The following EEFSEC variants were observed in gnomAD, a reference collection of about 807,000 sequenced individuals.
EEFSEC encodes the protein eukaryotic elongation factor, selenocysteine-tRNA specific.
In EEFSEC, 43 loss-of-function variants were observed where a neutral mutation model predicts 42.1. The ratio of observed to expected loss-of-function variants is 1.02; its 90% CI spans 0.80 to 1.32. The LOEUF is 1.32. EEFSEC is among the 40% of genes most tolerant of loss of function. EEFSEC has a pLI of 0.00. For synonymous variants in EEFSEC, 354 were observed against 339.1 expected (o/e 1.04, Z -0.48); for missense variants, 745 against 803.6 (o/e 0.93, Z 0.88).
chr3:128,156,206 C>T (rs1296554957), intron 1 of EEFSEC, among the ~76,000 whole-genome samples: 1 of 152,240 alleles, frequency 6.6e-6, no homozygotes, highest in Non-Finnish European at 1.5e-5. Context: ...CTGGACCTTG[C>T]TCCAACTGGA....
chr3:128,278,826 G>A (rs1451947527), intron 4 of EEFSEC, among the ~76,000 whole-genome samples: 3 of 152,182 alleles, frequency 2.0e-5, no homozygotes, highest in East Asian at 1.9e-4. Flanking sequence ...TGCCCAGCCT[G>A]CATGGTGCTA....
intron 6 of EEFSEC, among the ~76,000 whole-genome samples, chr3:128,384,174 A>G (rs2067810715): frequency 1.3e-5 from 2 of 152,152 alleles, no homozygotes; most frequent in African/African-American, 2.4e-5. Flanking sequence ...GAGGGTGGAG[A>G]GACAGCCTGG....
At chr3:128,323,587 C>T (rs1413003417) in intron 4 of EEFSEC, among the ~76,000 whole-genome samples, 1 of 152,242 alleles carries the variant, frequency 6.6e-6, no homozygotes, top group African/African-American at 2.4e-5. Flanking sequence ...TGTGCTTGGC[C>T]TTGACTTCTC....
Position 128,199,672 on chromosome 3 carries a change from T to G in EEFSEC, c.316+45849T>G, listed in dbSNP as rs186468926. Among the ~76,000 whole-genome samples the G allele has an allele frequency of 2.0e-5, 3 of 152,344 alleles. No homozygotes were observed. In the East Asian group the frequency reaches 5.8e-4, roughly 29 times the overall value. On this transcript the variant is annotated intron_variant, in intron 1 of 6. Transcript: ENST00000254730. ...TTGGAAATTGTTGGGGCAGTTGCATTTTAAAAAGTATTGCCAAATTGCCCC... is the reference window on the plus strand; with the variant it reads ...TTGGAAATTGTTGGGGCAGTTGCATGTTAAAAAGTATTGCCAAATTGCCCC...
chr3:128,232,658 A>G (rs911765733), intron 1 of EEFSEC, among the ~76,000 whole-genome samples: 2 of 152,238 alleles, frequency 1.3e-5, no homozygotes, highest in Admixed American at 6.5e-5. Flanking sequence ...ATGGGCCACA[A>G]TTATTTTATT....
intron 4 of EEFSEC, among the ~76,000 whole-genome samples, chr3:128,307,278 T>G (rs915649151): frequency 6.6e-6 from 1 of 152,160 alleles, no homozygotes; most frequent in Non-Finnish European, 1.5e-5. Context: ...TGGAGAAAAA[T>G]GACACCCAGT....
chr3:128,181,979 A>G (rs937101135), intron 1 of EEFSEC, among the ~76,000 whole-genome samples: 1 of 151,976 alleles, frequency 6.6e-6, no homozygotes, highest in Non-Finnish European at 1.5e-5. Flanking sequence ...ATGCCCGGCT[A>G]ATTTTTGTAT....
intron 4 of EEFSEC, among the ~76,000 whole-genome samples, chr3:128,290,936 A>G (rs1384869426): frequency 1.3e-5 from 2 of 151,548 alleles, no homozygotes; most frequent in African/African-American, 2.4e-5. Context: ...TTTAGTAGAG[A>G]TGGGGTTTCG....
rs114039351 is a variant in EEFSEC at position 128,161,305 on chromosome 3, C to T, written c.316+7482C>T. Among the ~76,000 whole-genome samples the T allele has an allele frequency of 4.5e-3, 692 of 152,194 alleles. 4 individuals carry two copies. The highest frequency in any genetic ancestry group is 0.015 in the African/African-American group (611 of 41,530). ...GGTGTGAGGGACTTAGACTCATCCTCAATCTAACTCTGGCAGGAAAGAGGA... is the reference window on the plus strand; with the variant it reads ...GGTGTGAGGGACTTAGACTCATCCTTAATCTAACTCTGGCAGGAAAGAGGA... On this transcript the variant is annotated intron_variant, in intron 1 of 6. Coordinates refer to ENST00000254730, the MANE Select transcript of EEFSEC (RefSeq NM_021937.5).
intron 1 of EEFSEC, among the ~76,000 whole-genome samples, chr3:128,201,273 T>C (rs1399347219): frequency 1.3e-5 from 2 of 152,108 alleles, no homozygotes; most frequent in Non-Finnish European, 2.9e-5. Flanking sequence ...CTAATTGCTC[T>C]ACACTCACTT....
chr3:128,307,556 T>C (rs1012529002), intron 4 of EEFSEC, among the ~76,000 whole-genome samples: 2 of 152,222 alleles, frequency 1.3e-5, no homozygotes, highest in African/African-American at 4.8e-5. Flanking sequence ...TGGTCTCTAT[T>C]CCTCCAGGCC....
intron 6 of EEFSEC, among the ~76,000 whole-genome samples, chr3:128,382,276 C>G (rs2067785179): frequency 6.6e-6 from 1 of 152,234 alleles, no homozygotes; most frequent in African/African-American, 2.4e-5. Context: ...TGGATGCCAA[C>G]CAAGCCCAGG....
chr3:128,289,879 T>C (rs1207550037), intron 4 of EEFSEC, among the ~76,000 whole-genome samples: 1 of 152,372 alleles, frequency 6.6e-6, no homozygotes, highest in East Asian at 1.9e-4. Flanking sequence ...GGCCATCCCA[T>C]AATCTTCTTT....
At chr3:128,198,914 C>T (rs2107813800) in intron 1 of EEFSEC, among the ~76,000 whole-genome samples, 1 of 152,218 alleles carries the variant, frequency 6.6e-6, no homozygotes, top group East Asian at 1.9e-4. Flanking sequence ...TCACTGCAAC[C>T]TCCACCTCCC....
chr3:128,166,485 C>T (rs2065243601), intron 1 of EEFSEC, among the ~76,000 whole-genome samples: 9 of 152,062 alleles, frequency 5.9e-5, no homozygotes. Flanking sequence ...GCACAGGTGG[C>T]TAGTGGCTGC....
intron 1 of EEFSEC, among the ~76,000 whole-genome samples, chr3:128,181,185 A>G (rs2065401738): frequency 6.6e-6 from 1 of 152,210 alleles, no homozygotes; most frequent in Admixed American, 6.5e-5. Context: ...AAGAGCTGCC[A>G]CAGTTTCCTA....
intron 2 of EEFSEC, among the ~76,000 whole-genome samples, chr3:128,257,185 C>T (rs1254852781): frequency 6.6e-6 from 1 of 152,214 alleles, no homozygotes; most frequent in Non-Finnish European, 1.5e-5. Flanking sequence ...GCATACTTTT[C>T]TTTGCATATG....
chr3:128,318,363 T>G (rs944883648), intron 4 of EEFSEC, among the ~76,000 whole-genome samples: 11 of 152,194 alleles, frequency 7.2e-5, no homozygotes, highest in Non-Finnish European at 1.6e-4. Flanking sequence ...ATCTCTGGCT[T>G]TTGGTTTCCA....
chr3:128,392,552 G>T (rs56163929), intron 6 of EEFSEC, among the ~76,000 whole-genome samples: 10,088 of 152,266 alleles, frequency 0.066, 661 homozygotes, highest in African/African-American at 0.17. Context: ...CGAGGCACGC[G>T]GCATCTCGCT....
Sources: allele counts gnomAD v4.1 joint callset (sites outside exome capture counted in the v4.1 genomes callset), GRCh38; gene constraint gnomAD v4.1.1; transcripts MANE v1.5; gene names NCBI Gene and HGNC (gene_info 2026-07-23, HGNC 2026-07-21).